The following HERC3 variants were observed in gnomAD, a reference collection of about 807,000 sequenced individuals.
HERC3 encodes the protein probable E3 ubiquitin-protein ligase HERC3.
A neutral mutation model predicts 129.9 loss-of-function variants in HERC3; 58 were observed. That is an observed-to-expected ratio of 0.45 (90% CI 0.36 to 0.56). HERC3 has a LOEUF of 0.56. Among genes scored for constraint, HERC3 ranks in the 20% least tolerant of loss-of-function variants. The pLI, the probability that HERC3 is intolerant of heterozygous loss-of-function variation, is 0.00. For missense variants in HERC3, 835 were observed against 1,244.2 expected (o/e 0.67, Z 4.95); for synonymous variants, 430 against 451.0 (o/e 0.95, Z 0.59).
chr4:88,543,131 A>C, the HERC3 span, among the ~76,000 whole-genome samples: 1 of 152,334 alleles, frequency 6.6e-6, no homozygotes, highest in African/African-American at 2.4e-5. Flanking sequence ...TCAATTAGGA[A>C]AAGAGAAAGT....
At chr4:88,594,770 C>A (rs1722160396) in intron 1 of HERC3, among the ~76,000 whole-genome samples, 1 of 151,950 alleles carries the variant, frequency 6.6e-6, no homozygotes, top group South Asian at 2.1e-4. Context: ...TCTCATTTTG[C>A]ATGATGGAGG....
intron 2 of HERC3, among the ~76,000 whole-genome samples, chr4:88,599,429 G>T (rs936821466): frequency 6.6e-6 from 1 of 152,082 alleles, no homozygotes; most frequent in African/African-American, 2.4e-5. Flanking sequence ...CTGTAACTCA[G>T]TTGGAAGAAT....
intron 3 of HERC3, among the ~76,000 whole-genome samples, chr4:88,606,431 C>G (rs1358437212): frequency 6.6e-6 from 1 of 151,820 alleles, no homozygotes; most frequent in Admixed American, 6.6e-5. Context: ...TTTTTATCTT[C>G]TTAGAGAACA....
chr4:88,576,280 T>C, the HERC3 span, among the ~76,000 whole-genome samples: 1 of 152,230 alleles, frequency 6.6e-6, no homozygotes, highest in Non-Finnish European at 1.5e-5. Context: ...CCTTGCCGTC[T>C]TTCCAGGTGC....
chr4:88,667,794 T>C, intron 13 of HERC3, 98 bp from the exon 14 acceptor site: 1 of 880,076 alleles, frequency 1.1e-6, no homozygotes, highest in Non-Finnish European at 1.8e-6. Context: ...AGTGAATGAA[T>C]GAGAGTTGAG....
intron 3 of HERC3, among the ~76,000 whole-genome samples, chr4:88,610,976 C>A (rs1032451945): frequency 1.3e-5 from 2 of 152,192 alleles, no homozygotes; most frequent in Admixed American, 1.3e-4. Flanking sequence ...ACGCCCTCCC[C>A]ACAGGGCTGA....
At chr4:88,651,131 G>A (rs2149271071) in intron 4 of HERC3, among the ~76,000 whole-genome samples, 1 of 152,118 alleles carries the variant, frequency 6.6e-6, no homozygotes, top group Non-Finnish European at 1.5e-5. Context: ...GTAATACTAG[G>A]GAAAATGTTT....
At chr4:88,654,331 G>T (rs1455469358) in intron 7 of HERC3, among the ~76,000 whole-genome samples, 198 bp downstream of exon 7, 1 of 120,676 alleles carries the variant, frequency 8.3e-6, no homozygotes, top group Non-Finnish European at 1.7e-5. Flanking sequence ...ATCCTCTTTG[G>T]TAATCTTGTA....
At chr4:88,593,536 C>T (rs1163516274) in intron 1 of HERC3, 4 of 152,262 alleles carry the variant, frequency 2.6e-5, no homozygotes, top group African/African-American at 9.7e-5. Flanking sequence ...TTTCTGGCTG[C>T]TTTCTGATTG....
chr4:88,663,706 T>A (rs1484354127), intron 11 of HERC3, among the ~76,000 whole-genome samples: 1 of 152,258 alleles, frequency 6.6e-6, no homozygotes. Context: ...TGTTTCACTA[T>A]TTTTTAATTT....
In HERC3 at chr4:88,686,730, G is replaced by T; in HGVS notation, c.2508-6G>T. On this transcript the variant is annotated splice_polypyrimidine_tract_variant and splice_region_variant and intron_variant, in intron 21 of 25. Transcript: ENST00000402738. ...CACTTTTCCTTTTCTGTCATTCTAT[G>T]ATTAGGAGTCTCCAAGAGCTTTTAG... The T allele has an allele frequency of 6.3e-7, 1 of 1,599,592 alleles. No homozygotes were observed. The highest frequency in any genetic ancestry group is 1.1e-5 in the South Asian group (1 of 90,680).
In HERC3 at chr4:88,704,050, G is replaced by A. The variant is rs370249826; in HGVS notation, c.2658-48G>A. ...TCAGTGTAGAAGGGTAACTTCATAA[G>A]CTTTACAAGACTTTGAGCTAAATGT... On this transcript the variant is annotated intron_variant, in intron 23 of 25. Transcript: ENST00000402738. 5 of 1,544,628 alleles carry A rather than the reference G, an allele frequency of 3.2e-6. No homozygotes were observed. The South Asian group carries it at 4.6e-5, about 14-fold the overall frequency.
chr4:88,534,368 C>T, the HERC3 span, among the ~76,000 whole-genome samples: 9 of 152,172 alleles, frequency 5.9e-5, no homozygotes, highest in South Asian at 2.1e-4. Context: ...CAGCCCCTCA[C>T]GACAAAGAAT....
intron 3 of HERC3, among the ~76,000 whole-genome samples, chr4:88,644,153 C>G (rs1215588085): frequency 6.6e-6 from 1 of 152,152 alleles, no homozygotes; most frequent in Non-Finnish European, 1.5e-5. Flanking sequence ...TGCAGAGCAA[C>G]TGGAACTCTC....
In HERC3 at chr4:88,655,428, G is replaced by A. The variant is rs567952365; in HGVS notation, c.908+124G>A. The A allele has an allele frequency of 2.3e-5, 26 of 1,113,340 alleles. No homozygotes were observed. In the African/African-American group the frequency reaches 3.4e-4, roughly 15 times the overall value. The allele number at this position is 1,113,340 out of a possible 1,614,324, so 69.0% of individuals were successfully genotyped here. A position where few individuals can be genotyped will look rare whatever the true frequency, so the allele number is the denominator to read the frequency against. On this transcript the variant is annotated intron_variant, in intron 8 of 25. Coordinates refer to ENST00000402738, the MANE Select transcript of HERC3 (RefSeq NM_014606.3). ...TTTAAGAGATCTTAACTGCATGCAC[G>A]CCTATGGTGAAATGTGGAGAAAGAC...
chr4:88,524,566 C>A, the HERC3 span, among the ~76,000 whole-genome samples: 1 of 152,138 alleles, frequency 6.6e-6, no homozygotes, highest in African/African-American at 2.4e-5. Flanking sequence ...AGCTTGGTTC[C>A]CTGTCCACAA....
intron 5 of HERC3, 80 bp downstream of exon 5, chr4:88,652,168 A>G (rs1729361098): frequency 9.1e-7 from 1 of 1,100,538 alleles, no homozygotes; most frequent in African/African-American, 1.5e-5. Flanking sequence ...GATATTATCT[A>G]ACTGAAAACT....
Position 88,707,000 on chromosome 4 carries a change from T to C in HERC3, c.*40T>C. The C allele has an allele frequency of 6.7e-7, 1 of 1,494,828 alleles. No homozygotes were observed. The highest frequency in any genetic ancestry group is 9.3e-7 in the Non-Finnish European group (1 of 1,071,606). 92.6% of individuals were successfully genotyped at this position (1,494,828 alleles called of 1,614,324 possible). On this transcript the variant is annotated 3_prime_UTR_variant, in exon 26 of 26. Transcript: ENST00000402738. The stretch of plus-strand genomic sequence containing the variant: ...TCCAGTATTTCCCTTCGTTCCTCAG[T>C]GTCCACATTGAGGCCTATACAGAAA...
chr4:88,654,348 T>A (rs60871099), intron 7 of HERC3, among the ~76,000 whole-genome samples: 1 of 109,670 alleles, frequency 9.1e-6, no homozygotes, highest in African/African-American at 3.2e-5. Context: ...TGTAGATTTT[T>A]CATATATATA....
Sources: gnomAD v4.1 joint callset for allele counts (sites outside exome capture counted in the v4.1 genomes callset) on GRCh38, gnomAD v4.1.1 for gene constraint, MANE v1.5 for transcripts, NCBI Gene and HGNC (gene_info 2026-07-23, HGNC 2026-07-21) for gene names.